The following ARMH3 variants were observed in gnomAD, a reference collection of about 807,000 sequenced individuals.
ARMH3 encodes the protein armadillo like helical domain containing 3, also known as armadillo-like helical domain-containing protein 3.
ARMH3 carries 60 observed loss-of-function variants against 99.1 expected under a neutral mutation model. The ratio of observed to expected loss-of-function variants is 0.61; its 90% confidence interval spans 0.49 to 0.75. ARMH3 has a LOEUF of 0.75. Among genes scored for constraint, ARMH3 ranks in the 30% least tolerant of loss-of-function variants. The probability of loss-of-function intolerance (pLI) is 0.00; values close to 1 mark genes in which losing one functional copy is unlikely to be tolerated. For missense variants in ARMH3, 679 were observed against 843.1 expected (o/e 0.81, Z 2.41); for synonymous variants, 285 against 292.8 (o/e 0.97, Z 0.27).
At chr10:101,888,036 G>A (rs1045902249) in intron 24 of ARMH3, among the ~76,000 whole-genome samples, 2 of 148,886 alleles carry the variant, frequency 1.3e-5, no homozygotes, top group Admixed American at 6.7e-5. Flanking sequence ...AATACTGCAC[G>A]TGGCTGACAG....
At chr10:101,852,897 T>C (rs2066638625) in intron 24 of ARMH3, among the ~76,000 whole-genome samples, 2 of 151,832 alleles carry the variant, frequency 1.3e-5, no homozygotes, top group Admixed American at 6.6e-5. Context: ...TTTTTTTTCT[T>C]TTTTTGAGAC....
At position 102,047,409 on chromosome 10, in the gene ARMH3, C is replaced by A. The variant is rs74926892; in HGVS notation, c.-11-7284G>T. ...TGTTTTAATACTGATGAGCTGTGAT[C>A]CCCTATTTCAGAATCTCCTGGGGTG... is the stretch of plus-strand genomic sequence containing the variant. On this transcript the variant is annotated intron_variant, in intron 1 of 25. Transcript: ENST00000370033. Among the ~76,000 whole-genome samples the A allele has an allele frequency of 9.3e-3, 1,417 of 152,130 alleles. 18 individuals are homozygous for A. Among genetic ancestry groups the A allele is most frequent in the African/African-American group, 0.032 (1,347 of 41,512 alleles).
At chr10:101,898,687 C>A (rs188234749) in intron 23 of ARMH3, among the ~76,000 whole-genome samples, 249 of 152,350 alleles carry the variant, frequency 1.6e-3, no homozygotes, top group Non-Finnish European at 2.7e-3. Context: ...CGCGCACACG[C>A]GCACACACAC....
At chr10:102,034,665 CTACTT>C (rs2067207574) in intron 2 of ARMH3, among the ~76,000 whole-genome samples, 1 of 151,242 alleles carries the variant, frequency 6.6e-6, no homozygotes, top group Admixed American at 6.6e-5. Context: ...AAGAGAAGCC[CTACTT>C]TAAAGAAAGG....
intron 19 of ARMH3, among the ~76,000 whole-genome samples, chr10:101,987,021 A>C (rs954241529): frequency 2.0e-5 from 3 of 152,286 alleles, no homozygotes; most frequent in Admixed American, 6.5e-5. Context: ...GCGAGGAGGG[A>C]GTTAGAACAT....
chr10:102,009,197 G>T (rs748064222), intron 13 of ARMH3, among the ~76,000 whole-genome samples, 177 bp downstream of exon 13: 31 of 152,142 alleles, frequency 2.0e-4, no homozygotes, highest in Non-Finnish European at 4.3e-4. Context: ...AGCACCAATG[G>T]AAACATACAT....
At chr10:101,929,242 C>A (rs940583180) in intron 23 of ARMH3, among the ~76,000 whole-genome samples, 5 of 152,098 alleles carry the variant, frequency 3.3e-5, no homozygotes, top group African/African-American at 1.2e-4. Flanking sequence ...AATATGCAGA[C>A]CTTAAGAGCC....
In ARMH3 at chr10:101,859,412, C is replaced by T. The variant is rs1292027417; in HGVS notation, c.1861-9520G>A. 2.0e-5 allele frequency among the ~76,000 whole-genome samples: 3 copies of T among 152,170 alleles called. No individual in the cohort carries two copies. In the East Asian group the frequency reaches 5.8e-4, roughly 29 times the overall value. ...TGACTGACACTGACAGCCTAGACTCCATCAGGGCAATCACCTGAAAGGCAG... is the reference window on the plus strand; with the variant it reads ...TGACTGACACTGACAGCCTAGACTCTATCAGGGCAATCACCTGAAAGGCAG... On this transcript the variant is annotated intron_variant, in intron 24 of 25. Coordinates refer to ENST00000370033, the MANE Select transcript of ARMH3 (RefSeq NM_024541.3).
At chr10:101,929,551 T>C (rs1169037673) in intron 23 of ARMH3, among the ~76,000 whole-genome samples, 2 of 152,230 alleles carry the variant, frequency 1.3e-5, no homozygotes, top group Admixed American at 6.5e-5. Flanking sequence ...GGGTGTTGTG[T>C]GTGTATGTTA....
intron 6 of ARMH3, 74 bp downstream of exon 6, chr10:102,025,082 T>C: frequency 8.0e-7 from 1 of 1,247,876 alleles, no homozygotes; most frequent in East Asian, 2.3e-5. Context: ...TTTCCTTCTA[T>C]CTTTGGGCTC....
At position 102,009,444 on chromosome 10, in the gene ARMH3, T is replaced by C. The variant is rs749260794; in HGVS notation, c.884A>G (p.Asn295Ser). Residue 295 changes from asparagine (N) to serine (S), a missense_variant, in exon 13 of 26, where the codon AAT becomes AGT. Asn to Ser is a conservative substitution (Grantham distance 46, BLOSUM62 1). This residue lies in a region of ARMH3 where 280 missense variants were observed against 354.6 expected (regional missense o/e 0.79). Coordinates refer to ENST00000370033, the MANE Select transcript of ARMH3 (RefSeq NM_024541.3). Reference protein sequence around the residue: ...DAHEKISVQTNEAILLALYEA... With the variant: ...DAHEKISVQTSEAILLALYEA... ...ATAAAGTGCCAGAAGAATGGCCTCA[T>C]TGGTTCTAAAGAAAAAGAGAACAAA... 9 of 1,613,684 alleles carry C rather than the reference T, an allele frequency of 5.6e-6. No individual in the cohort carries two copies. The highest frequency in any genetic ancestry group is 4.5e-5 in the East Asian group (2 of 44,864).
intron 24 of ARMH3, among the ~76,000 whole-genome samples, chr10:101,884,812 T>C (rs1399812958): frequency 6.6e-6 from 1 of 151,082 alleles, no homozygotes; most frequent in African/African-American, 2.4e-5. Flanking sequence ...ACAGGCAAAT[T>C]GGACTTCACC....
At chr10:102,031,668 A>G (rs2067133952) in intron 4 of ARMH3, among the ~76,000 whole-genome samples, 1 of 152,246 alleles carries the variant, frequency 6.6e-6, no homozygotes, top group Non-Finnish European at 1.5e-5. Context: ...GATCTGCCTA[A>G]CTAGTATGTT....
At position 102,011,733 on chromosome 10, in the gene ARMH3, A is replaced by G; in HGVS notation, c.821T>C (p.Leu274Ser). 6.2e-7 allele frequency: 1 copy of G among 1,603,804 alleles called. No homozygotes were observed. Among genetic ancestry groups the G allele is most frequent in the Non-Finnish European group, 8.5e-7 (1 of 1,176,210 alleles). Residue 274 changes from leucine to serine, a missense_variant, in exon 11 of 26, where the codon TTA (leucine) becomes TCA (serine). Leu to Ser is a moderately radical substitution (Grantham distance 145, BLOSUM62 -2). Around this residue, in one of 3 missense-constraint regions of ARMH3, gnomAD observed 280 missense variants for 354.6 expected, o/e 0.79. Coordinates refer to ENST00000370033, the MANE Select transcript of ARMH3 (RefSeq NM_024541.3). ...EEHQSGFFSA[L>S]TNMVGSMFIA... The stretch of plus-strand genomic sequence containing the variant: ...AAAAGCAGGACTTACCATATTTGTT[A>G]AAGCAGAGAAAAAACCACTTTGGTG...
chr10:102,023,759 A>G lies in ARMH3; in HGVS notation c.508-10T>C. ...TGATGTTATCTGTCACCTGAATGTA[A>G]TAAAAGGCTTTTTAAAGTCTGTTCT... On this transcript the variant is annotated splice_polypyrimidine_tract_variant and intron_variant, in intron 6 of 25. Coordinates refer to ENST00000370033, the MANE Select transcript of ARMH3 (RefSeq NM_024541.3). 1 of 1,612,822 alleles carries G rather than the reference A, an allele frequency of 6.2e-7. No individual in the cohort carries two copies. The highest frequency in any genetic ancestry group is 8.5e-7 in the Non-Finnish European group (1 of 1,178,828).
chr10:102,002,409 T>G (rs762530887), intron 14 of ARMH3, among the ~76,000 whole-genome samples: 4 of 151,968 alleles, frequency 2.6e-5, no homozygotes, highest in Non-Finnish European at 5.9e-5. Flanking sequence ...TTAAAGAAAC[T>G]TCGATTTCTA....
chr10:101,919,167 T>A (rs528628131), intron 23 of ARMH3, among the ~76,000 whole-genome samples: 1 of 152,310 alleles, frequency 6.6e-6, no homozygotes, highest in South Asian at 2.1e-4. Context: ...ATCAACGCAG[T>A]GAGATTTAAC....
intron 22 of ARMH3, among the ~76,000 whole-genome samples, chr10:101,943,153 CAAG>C (rs1037213732): frequency 2.0e-5 from 3 of 152,094 alleles, no homozygotes; most frequent in African/African-American, 7.2e-5. Flanking sequence ...TTGGAGAGGC[CAAG>C]ACATCTAGAG....
chr10:101,885,529 A>T (rs918526757), intron 24 of ARMH3, among the ~76,000 whole-genome samples: 1 of 152,232 alleles, frequency 6.6e-6, no homozygotes, highest in Non-Finnish European at 1.5e-5. Context: ...AGCTTGTCAC[A>T]AAAGTCCAAA....
Sources: allele counts gnomAD v4.1 joint callset (sites outside exome capture counted in the v4.1 genomes callset), GRCh38; gene constraint gnomAD v4.1.1; regional missense constraint gnomAD v4.1.1; transcripts MANE v1.5; gene names NCBI Gene and HGNC (gene_info 2026-07-23, HGNC 2026-07-21).